The following PKHD1L1 variants were observed in gnomAD, a reference collection of about 807,000 sequenced individuals.
PKHD1L1 encodes the protein fibrocystin-L.
A neutral mutation model predicts 462.9 loss-of-function variants in PKHD1L1; 434 were observed. That is an observed-to-expected ratio of 0.94 (90% CI 0.87 to 1.02). The LOEUF is 1.02. Among genes scored for constraint, PKHD1L1 ranks in the 50% least tolerant of loss-of-function variants. The pLI is 0.00. For synonymous variants in PKHD1L1, 1,781 were observed against 1,750.0 expected (o/e 1.02, Z -0.44); for missense variants, 5,202 against 5,096.1 (o/e 1.02, Z -0.63).
intron 48 of PKHD1L1, among the ~76,000 whole-genome samples, chr8:109,462,453 C>T (rs1191440324): frequency 6.6e-6 from 1 of 152,170 alleles, no homozygotes; most frequent in African/African-American, 2.4e-5. Context: ...CTATGCCTTG[C>T]TCGTGCCATG....
At position 109,445,196 on chromosome 8, in the gene PKHD1L1, TG is replaced by T. The variant is rs1816060242; in HGVS notation, c.5329del (p.Glu1777ArgfsTer15). The T allele has an allele frequency of 3.1e-6, 5 of 1,614,046 alleles. No homozygotes were observed. The African/African-American group carries it at 5.3e-5, about 17-fold the overall frequency. ...GAAGGAGAAGGTTTGGGGACTGTTTTGGAGGACATTGCTGTTTTCATTGGAA... is the reference window on the plus strand; with the variant it reads ...GAAGGAGAAGGTTTGGGGACTGTTTTGAGGACATTGCTGTTTTCATTGGAA... ...LIEGEGLGTV[L>X]EDIAVFIGNQ... On this transcript the variant is annotated frameshift_variant, in exon 38 of 78. Transcript: ENST00000378402. LOFTEE classifies it high-confidence loss of function.
In PKHD1L1 at chr8:109,400,084, G is replaced by A. The variant is rs369930599; in HGVS notation, c.1021G>A (p.Gly341Ser). Residue 341 changes from glycine to serine, a missense_variant, in exon 13 of 78, where the codon GGC (glycine) becomes AGC (serine). By Grantham distance (56) the Gly-to-Ser change is moderately conservative. Around this residue, in one of 3 missense-constraint regions of PKHD1L1, gnomAD observed 4,497 missense variants for 4,336.8 expected, o/e 1.04. Coordinates refer to ENST00000378402, the MANE Select transcript of PKHD1L1 (RefSeq NM_177531.6). ...ILKTVYPGGR[G>S]LKLEVWNNSR... The stretch of plus-strand genomic sequence containing the variant: ...TATTTCATTACACTTAGGAGGGAGA[G>A]GCCTGAAGCTTGAGGTGTGGAATAA... 42 of 1,611,224 alleles carry A rather than the reference G, an allele frequency of 2.6e-5. 1 individual carries two copies. Among genetic ancestry groups the A allele is most frequent in the Non-Finnish European group, 3.6e-5 (42 of 1,178,322 alleles).
intron 30 of PKHD1L1, among the ~76,000 whole-genome samples, chr8:109,437,408 A>G (rs1815484944): frequency 6.6e-6 from 1 of 151,804 alleles, no homozygotes; most frequent in Non-Finnish European, 1.5e-5. Context: ...TTAGTTACAT[A>G]TGTATACATG....
intron 9 of PKHD1L1, among the ~76,000 whole-genome samples, chr8:109,390,936 T>A (rs1420947493): frequency 6.6e-6 from 1 of 152,172 alleles, no homozygotes; most frequent in Non-Finnish European, 1.5e-5. Context: ...CAATTGTTCA[T>A]CTTAACAGCA....
intron 53 of PKHD1L1, among the ~76,000 whole-genome samples, chr8:109,478,565 C>T (rs575600336): frequency 8.7e-4 from 132 of 151,956 alleles, no homozygotes; most frequent in African/African-American, 3.1e-3. Flanking sequence ...AGGAAGAGCT[C>T]GCTGCGTGAA....
intron 59 of PKHD1L1, 105 bp from the exon 60 acceptor site, chr8:109,489,847 A>T (rs1247661827): frequency 1.4e-6 from 1 of 732,262 alleles, no homozygotes; most frequent in East Asian, 2.7e-5. Context: ...AGCAAAGAAT[A>T]ATGATTTTTT....
At chr8:109,465,338 ACAG>A (rs1468784606) in intron 49 of PKHD1L1, 93 bp downstream of exon 49, 1 of 1,324,260 alleles carries the variant, frequency 7.6e-7, no homozygotes, top group Non-Finnish European at 1.0e-6. Context: ...TAGGTGCCTT[ACAG>A]ATCTTACCCA....
rs1819942451 is a variant in PKHD1L1, at chr8:109,510,928, T to C, written c.11547T>C (p.His3849=). 2 of 1,612,392 alleles carry C rather than the reference T, an allele frequency of 1.2e-6. No individual in the cohort carries two copies. The highest frequency in any genetic ancestry group is 2.7e-5 in the African/African-American group (2 of 74,842). ...GACTGATGTTGCTTAATGTTGATCA[T>C]AACAAGGTAGGGCAAGATGTCTTAA... The part of the protein sequence containing the change: ...NLRLMLLNVD[H]NKAVLVGIFF... The change falls in exon 71 of 78, where the codon CAT becomes CAC. Residue 3849 remains histidine, a synonymous_variant. Transcript: ENST00000378402.
intron 35 of PKHD1L1, among the ~76,000 whole-genome samples, chr8:109,442,712 G>A (rs915436686): frequency 4.6e-5 from 7 of 151,984 alleles, no homozygotes; most frequent in African/African-American, 1.7e-4. Context: ...ACTTGCCATG[G>A]TTTTCTAGAA....
chr8:109,446,656 C>G (rs554081786), intron 38 of PKHD1L1, among the ~76,000 whole-genome samples: 1 of 152,128 alleles, frequency 6.6e-6, no homozygotes, highest in African/African-American at 2.4e-5. Flanking sequence ...TGGCACATTT[C>G]TTTTCCCATG....
Position 109,497,053 on chromosome 8 carries a change from G to A in PKHD1L1, c.10462G>A (p.Gly3488Arg), listed in dbSNP as rs1156912325. The A allele has an allele frequency of 6.2e-7, 1 of 1,613,274 alleles. No homozygotes were observed. The highest frequency in any genetic ancestry group is 8.5e-7 in the Non-Finnish European group (1 of 1,179,558). The change falls in exon 64 of 78, where the codon GGA becomes AGA. Residue 3488 changes from glycine to arginine, a missense_variant. By Grantham distance (125) the Gly-to-Arg change is moderately radical (BLOSUM62 -2). Around this residue, in one of 3 missense-constraint regions of PKHD1L1, gnomAD observed 4,497 missense variants for 4,336.8 expected, o/e 1.04. Transcript: ENST00000378402. Reference sequence around the variant, plus strand: ...TACCATTTGGACATGCTGGGATTATGGAATTTATTTTCAGGTAATTATGAT... The same window carrying A: ...TACCATTTGGACATGCTGGGATTATAGAATTTATTTTCAGGTAATTATGAT... ...GFTIWTCWDY[G>R]IYFQTTESVH... is the part of the protein sequence containing the mutation.
intron 71 of PKHD1L1, among the ~76,000 whole-genome samples, chr8:109,512,062 T>C (rs2130992978): frequency 6.6e-6 from 1 of 152,214 alleles, no homozygotes; most frequent in African/African-American, 2.4e-5. Context: ...TTCTTGTAAA[T>C]TTGTTTGAGT....
rs1165204640 is a variant in PKHD1L1 at position 109,475,250 on chromosome 8, C to T, written c.8738C>T (p.Ser2913Leu). 6 of 1,605,824 alleles carry T rather than the reference C, an allele frequency of 3.7e-6. No homozygotes were observed. The highest frequency in any genetic ancestry group is 2.7e-5 in the African/African-American group (2 of 74,676). The stretch of plus-strand genomic sequence containing the variant: ...CACATAACCAACATTTCATATACAT[C>T]GACATTCTATGGATTCAAGGTAAAA... The part of the protein sequence containing the change: ...VDHITNISYT[S>L]TFYGFKEEDY... Residue 2913 changes from serine (S) to leucine (L), a missense_variant, in exon 51 of 78, where the codon TCG becomes TTG. Physicochemically the swap from Ser to Leu is moderately radical, Grantham distance 145. Transcript: ENST00000378402.
At position 109,493,716 on chromosome 8, in the gene PKHD1L1, G is replaced by C; in HGVS notation, c.10292G>C (p.Arg3431Thr). 1.9e-6 allele frequency: 3 copies of C among 1,610,158 alleles called. No individual in the cohort carries two copies. Among genetic ancestry groups the C allele is most frequent in the Non-Finnish European group, 2.5e-6 (3 of 1,177,846 alleles). ...LQNNVVAGFG[R>T]AGYRIDGEPC... is the part of the protein sequence containing the mutation. ...AATAATGTAGTGGCTGGATTTGGAAGAGCAGGATACCGCATTGATGGTGAA... is the reference window on the plus strand; with the variant it reads ...AATAATGTAGTGGCTGGATTTGGAACAGCAGGATACCGCATTGATGGTGAA... Residue 3431 changes from arginine to threonine, a missense_variant, in exon 63 of 78, where the codon AGA (arginine) becomes ACA (threonine). Coordinates refer to ENST00000378402, the MANE Select transcript of PKHD1L1 (RefSeq NM_177531.6).
intron 23 of PKHD1L1, among the ~76,000 whole-genome samples, chr8:109,422,814 T>TG (rs1814542570): frequency 6.6e-6 from 1 of 152,218 alleles, no homozygotes; most frequent in Non-Finnish European, 1.5e-5. Flanking sequence ...CTGAAGTGGT[T>TG]GTACCATTTT....
At position 109,533,336 on chromosome 8, in the gene PKHD1L1, C is replaced by T. The variant is rs1352880678; in HGVS notation, c.*3246C>T. On this transcript the variant is annotated 3_prime_UTR_variant, in exon 78 of 78. Transcript: ENST00000378402. ...GACATGTAACACAGTGCCTAACAGG[C>T]GGTAAAATGATAGCCACTCTTGTTT... Among the ~76,000 whole-genome samples, 3 of 152,184 alleles carry T rather than the reference C, an allele frequency of 2.0e-5. No individual in the cohort carries two copies. The highest frequency in any genetic ancestry group is 7.2e-5 in the African/African-American group (3 of 41,438).
At chr8:109,415,593 G>A (rs1244615334) in intron 21 of PKHD1L1, among the ~76,000 whole-genome samples, 1 of 152,106 alleles carries the variant, frequency 6.6e-6, no homozygotes, top group South Asian at 2.1e-4. Context: ...AGGCAGGTGG[G>A]TGGGAGCATA....
intron 55 of PKHD1L1, chr8:109,480,653 G>A (rs941755204): frequency 4.4e-6 from 2 of 453,372 alleles, no homozygotes; most frequent in Admixed American, 2.4e-5. Context: ...TAATCAGCTC[G>A]ATTGTCCTGT....
At chr8:109,505,478 C>T (rs1452659152) in intron 68 of PKHD1L1, among the ~76,000 whole-genome samples, 1 of 152,112 alleles carries the variant, frequency 6.6e-6, no homozygotes, top group Non-Finnish European at 1.5e-5. Flanking sequence ...ATAATTCCTA[C>T]TTTTTATTAG....
Sources: allele counts gnomAD v4.1 joint callset (sites outside exome capture counted in the v4.1 genomes callset), GRCh38; gene constraint gnomAD v4.1.1; regional missense constraint gnomAD v4.1.1; transcripts MANE v1.5; gene names NCBI Gene and HGNC (gene_info 2026-07-23, HGNC 2026-07-21).